The following EOLA2 variants were observed in gnomAD, a reference collection of about 807,000 sequenced individuals.
The protein encoded by EOLA2 is endothelium and lymphocyte associated ASCH domain 2.
A neutral mutation model predicts 4.1 loss-of-function variants in EOLA2; 3 were observed. The observed-to-expected ratio is 0.73, with a 90% CI of 0.33 to 1.89. The LOEUF (loss-of-function observed/expected upper bound fraction) is 1.89, where lower values mean the gene tolerates loss of function less well. Among genes scored for constraint, EOLA2 ranks in the 40% most tolerant of loss-of-function variants. The pLI is 0.08. For missense variants in EOLA2, 109 were observed against 126.4 expected, an observed-to-expected ratio of 0.86 and a Z score of 0.66; for synonymous variants, 52 against 51.7, an observed-to-expected ratio of 1.01 and a Z score of -0.03.
rs182250896 is a variant in EOLA2 at position 149,935,634 on chromosome X, G to C, written c.-162-1497C>G. Among the ~76,000 whole-genome samples the C allele has an allele frequency of 6.8e-3, 686 of 100,527 alleles. 26 individuals are homozygous for C. The highest frequency in any genetic ancestry group is 0.024 in the African/African-American group (649 of 26,586). 87.3% of individuals were successfully genotyped at this position (100,527 alleles called of 115,157 possible). The stretch of plus-strand genomic sequence containing the variant: ...TGCTCAGCAGCCCCAGCATGGCTGG[G>C]CACACTCCTTCCCTTCTTCTGGGAC... On this transcript the variant is annotated intron_variant, in intron 2 of 4. Coordinates refer to ENST00000370406, the MANE Select transcript of EOLA2 (RefSeq NM_001013845.2).
Position 149,934,115 on chromosome X carries a change from G to A in EOLA2, c.-140C>T, listed in dbSNP as rs1485338173. ...GTCCATCCCATGGAGTCTTTGGGGC[G>A]GTCCGGAGTAGGGCGGGGACAGCTA... is the stretch of plus-strand genomic sequence containing the variant. On this transcript the variant is annotated 5_prime_UTR_variant, in exon 3 of 5. Coordinates refer to ENST00000370406, the MANE Select transcript of EOLA2 (RefSeq NM_001013845.2). The A allele has an allele frequency of 2.5e-4, 261 of 1,059,274 alleles. No homozygotes were observed. Among genetic ancestry groups the A allele is most frequent in the Non-Finnish European group, 3.0e-4 (246 of 826,213 alleles). 87.3% of individuals were successfully genotyped at this position (1,059,274 alleles called of 1,213,427 possible).
At position 149,933,634 on chromosome X, in the gene EOLA2, C is replaced by T; in HGVS notation, c.241G>A (p.Gly81Arg). 8.3e-7 allele frequency: 1 copy of T among 1,206,096 alleles called. No homozygotes were observed. The highest frequency in any genetic ancestry group is 1.1e-6 in the Non-Finnish European group (1 of 893,573). The change falls in exon 4 of 5, where the codon GGA becomes AGA. Residue 81 changes from glycine (G) to arginine (R), a missense_variant. Transcript: ENST00000370406. ...CATTGTCACTTACCCGCTATCACTC[C>T]TCGACCAAACTTTTCCCCTTTCCTG... is the stretch of plus-strand genomic sequence containing the variant. ...LLRKGEKFGR[G>R]VIAGLVDIGE...
At chrX:149,937,057 C>G (rs1315342103) in intron 2 of EOLA2, among the ~76,000 whole-genome samples, 2 of 109,466 alleles carry the variant, frequency 1.8e-5, no homozygotes, top group African/African-American at 6.7e-5. Flanking sequence ...TATCTGCCAG[C>G]AAATGACTTT....
chrX:149,933,798 C>T lies in EOLA2; in HGVS notation c.77G>A (p.Arg26His), dbSNP rs782194056. Residue 26 changes from arginine to histidine, a missense_variant, in exon 4 of 5, where the codon CGC becomes CAC. Physicochemically the swap from Arg to His is conservative, Grantham distance 29. Transcript: ENST00000370406. ...CTGGCTGCTCAGCAGAGGACGCCAGCGCGTCTCCACAGTCTTGATTCCATT... is the reference window on the plus strand; with the variant it reads ...CTGGCTGCTCAGCAGAGGACGCCAGTGCGTCTCCACAGTCTTGATTCCATT... ...VLNGIKTVETRWRPLLSSQRN... is the reference protein window; with the variant it reads ...VLNGIKTVETHWRPLLSSQRN... 1.4e-5 allele frequency: 17 copies of T among 1,201,730 alleles called. 1 individual carries two copies. The highest frequency in any genetic ancestry group is 1.9e-5 in the Non-Finnish European group (17 of 890,957).
intron 4 of EOLA2, 88 bp downstream of exon 4, chrX:149,933,534 G>C: frequency 1.0e-6 from 1 of 973,419 alleles, no homozygotes; most frequent in East Asian, 3.2e-5. Context: ...AATCAGTTCA[G>C]ATGACAAGAG....
intron 2 of EOLA2, among the ~76,000 whole-genome samples, chrX:149,936,012 C>CA (rs2090989370): frequency 2.9e-5 from 2 of 68,749 alleles, no homozygotes; most frequent in African/African-American, 1.5e-4. Context: ...CCCCACCCCC[C>CA]CCCAGCACTT....
rs368857106 is a variant in EOLA2 at position 149,932,718 on chromosome X, G to C, written c.303C>G (p.Pro101=). The change falls in exon 5 of 5, where the codon CCC becomes CCG. Residue 101 remains proline (P), a synonymous_variant. Transcript: ENST00000370406. ...ETLQCPEDLT[P]DEVVELENQA... The stretch of plus-strand genomic sequence containing the variant: ...GATTTTCTAGTTCCACAACCTCATC[G>C]GGAGTTAAGTCTTCGGGGCATTGCA... 1.2e-5 allele frequency: 14 copies of C among 1,204,243 alleles called. No homozygotes were observed. The South Asian group carries it at 1.9e-4, about 17-fold the overall frequency.
intron 2 of EOLA2, among the ~76,000 whole-genome samples, chrX:149,936,984 G>A (rs1225544878): frequency 3.6e-5 from 4 of 110,778 alleles, no homozygotes; most frequent in South Asian, 3.8e-4. Context: ...TCTAACACTC[G>A]CTGTGTGAAG....
chrX:149,937,805 G>C (rs1321347180), intron 1 of EOLA2, among the ~76,000 whole-genome samples: 1 of 112,923 alleles, frequency 8.9e-6, no homozygotes, highest in African/African-American at 3.2e-5. Context: ...GTCATCGGAC[G>C]AGGGTTTGGG....
Position 149,934,075 on chromosome X carries a change from A to T in EOLA2, c.-100T>A. 2 of 1,079,589 alleles carry T rather than the reference A, an allele frequency of 1.9e-6. No individual in the cohort carries two copies. The highest frequency in any genetic ancestry group is 2.4e-6 in the Non-Finnish European group (2 of 835,823). 89.0% of individuals were successfully genotyped at this position (1,079,589 alleles called of 1,213,427 possible). On this transcript the variant is annotated 5_prime_UTR_variant, in exon 3 of 5. Transcript: ENST00000370406. ...AGCAGGCCCAAGGGAAGGGGCTAGG[A>T]TTCGGCTGACTCAGGTCCATCCCAT...
At chrX:149,931,017 TG>T (rs2090866544), downstream of EOLA2, 2 of 934,572 alleles carry the variant, frequency 2.1e-6, no homozygotes. Context: ...GGTAGTGTAA[TG>T]TCTTTGTACA....
At position 149,935,239 on chromosome X, in the gene EOLA2, C is replaced by T. The variant is rs1423229406; in HGVS notation, c.-162-1102G>A. Among the ~76,000 whole-genome samples, 3 of 79,272 alleles carry T rather than the reference C, an allele frequency of 3.8e-5. No homozygotes were observed. The South Asian group carries it at 2.4e-3, about 62-fold the overall frequency. The allele number at this position is 79,272 out of a possible 115,157, so 68.8% of individuals were successfully genotyped here. ...CTGCAGCCTTCTGAGCTCCAGATCT[C>T]CTGCTTTTCTCCCGCCTCTGGGGTG... On this transcript the variant is annotated intron_variant, in intron 2 of 4. Coordinates refer to ENST00000370406, the MANE Select transcript of EOLA2 (RefSeq NM_001013845.2).
rs1163041130 is a variant in EOLA2 at position 149,932,334 on chromosome X, G to C, written c.*210C>G. On this transcript the variant is annotated 3_prime_UTR_variant, in exon 5 of 5. Coordinates refer to ENST00000370406, the MANE Select transcript of EOLA2 (RefSeq NM_001013845.2). ...GAGACATTGCCTGTGTGCCTAAGGA[G>C]GCATCACACAAGGAAAGCCCCACCC... The C allele has an allele frequency of 2.2e-6, 2 of 905,981 alleles. No individual in the cohort carries two copies. Among genetic ancestry groups the C allele is most frequent in the Non-Finnish European group, 2.9e-6 (2 of 686,910 alleles). 74.7% of individuals were successfully genotyped at this position (905,981 alleles called of 1,213,427 possible). A position where few individuals can be genotyped will look rare whatever the true frequency, so the allele number is the denominator to read the frequency against.
rs1180010903 is a variant in EOLA2, at chrX:149,935,149, C to T, written c.-162-1012G>A. On this transcript the variant is annotated intron_variant, in intron 2 of 4. Transcript: ENST00000370406. Reference sequence around the variant, plus strand: ...CTATGATTTTAAGAAAATATACCCACCCTCATGAGACAAAGCCCTGATAGG... The same window carrying T: ...CTATGATTTTAAGAAAATATACCCATCCTCATGAGACAAAGCCCTGATAGG... Among the ~76,000 whole-genome samples, 13 of 96,524 alleles carry T rather than the reference C, an allele frequency of 1.3e-4. No individual in the cohort carries two copies. In the Admixed American group the frequency reaches 1.4e-3, roughly 10 times the overall value. 83.8% of individuals were successfully genotyped at this position (96,524 alleles called of 115,157 possible).
Position 149,933,822 on chromosome X carries a change from T to C in EOLA2, c.53A>G (p.Asn18Ser), listed in dbSNP as rs782711161. The part of the protein sequence containing the change: ...FRQPYAGFVL[N>S]GIKTVETRWR... ...GCGCGTCTCCACAGTCTTGATTCCA[T>C]TTAAGACAAAGCCAGCATAAGGCTG... The change falls in exon 4 of 5, where the codon AAT becomes AGT. Residue 18 changes from asparagine to serine, a missense_variant. Transcript: ENST00000370406. The C allele has an allele frequency of 1.7e-6, 2 of 1,206,594 alleles. No homozygotes were observed. Among genetic ancestry groups the C allele is most frequent in the Admixed American group, 2.2e-5 (1 of 45,908 alleles).
At position 149,937,473 on chromosome X, in the gene EOLA2, T is replaced by C; in HGVS notation, c.-203A>G. ...AGGAGGAAACACTCTTCCACTTGGTTTCTTTACCTGCACAACAAGGAAGAT... is the reference window on the plus strand; with the variant it reads ...AGGAGGAAACACTCTTCCACTTGGTCTCTTTACCTGCACAACAAGGAAGAT... On this transcript the variant is annotated 5_prime_UTR_variant, in exon 2 of 5. Coordinates refer to ENST00000370406, the MANE Select transcript of EOLA2 (RefSeq NM_001013845.2). 1.5e-6 allele frequency: 1 copy of C among 683,103 alleles called. No individual in the cohort carries two copies. Among genetic ancestry groups the C allele is most frequent in the Non-Finnish European group, 1.7e-6 (1 of 572,910 alleles). The allele number at this position is 683,103 out of a possible 1,213,427, so 56.3% of individuals were successfully genotyped here. A position where few individuals can be genotyped will look rare whatever the true frequency, so the allele number is the denominator to read the frequency against.
downstream of EOLA2, chrX:149,930,681 C>A (rs1434468931): frequency 3.5e-6 from 1 of 289,165 alleles, no homozygotes; most frequent in East Asian, 5.0e-5. Context: ...CAGCAAGCGA[C>A]CCGTGTCCCA....
Position 149,936,006 on chromosome X carries a change from A to AC in EOLA2, c.-163+1426dup, listed in dbSNP as rs781814868. The stretch of plus-strand genomic sequence containing the variant: ...GAAGAAGTCTCCTGATAGCACCCCC[A>AC]CCCCCCCCCAGCACTTGTCCTCTGC... On this transcript the variant is annotated intron_variant, in intron 2 of 4. Coordinates refer to ENST00000370406, the MANE Select transcript of EOLA2 (RefSeq NM_001013845.2). Among the ~76,000 whole-genome samples the AC allele has an allele frequency of 9.2e-3, 357 of 38,787 alleles. 1 individual carries two copies. The highest frequency in any genetic ancestry group is 0.015 in the Middle Eastern group (1 of 68). 33.7% of individuals were successfully genotyped at this position (38,787 alleles called of 115,157 possible).
chrX:149,938,252 C>T lies in EOLA2; in HGVS notation c.-270G>A, dbSNP rs1193526766. ...CCTGAGAGTCGTGGGCGTTCAGGGC[C>T]GACTCTGGCTTTTGGCCTCAGAGTA... is the stretch of plus-strand genomic sequence containing the variant. On this transcript the variant is annotated 5_prime_UTR_variant, in exon 1 of 5. Coordinates refer to ENST00000370406, the MANE Select transcript of EOLA2 (RefSeq NM_001013845.2). 9 of 112,948 alleles carry T rather than the reference C, an allele frequency of 8.0e-5. No individual in the cohort carries two copies. The highest frequency in any genetic ancestry group is 2.9e-4 in the African/African-American group (9 of 31,141). The allele number at this position is 112,948 out of a possible 1,213,427, so 9.3% of individuals were successfully genotyped here.
Sources: gnomAD v4.1 joint callset for allele counts (sites outside exome capture counted in the v4.1 genomes callset) on GRCh38, gnomAD v4.1.1 for gene constraint, MANE v1.5 for transcripts, NCBI Gene and HGNC (gene_info 2026-07-23, HGNC 2026-07-21) for gene names.